Variants in SLC6A6 observed in about 807,000 individuals in gnomAD.
The protein encoded by SLC6A6 is solute carrier family 6 member 6.
In SLC6A6, 16 loss-of-function variants were observed where a neutral mutation model predicts 68.8. The ratio of observed to expected loss-of-function variants is 0.23; its 90% CI spans 0.16 to 0.35. SLC6A6 has a LOEUF of 0.35. Ranked by LOEUF, SLC6A6 falls within the 10% of genes least tolerant of loss-of-function variation. SLC6A6 has a pLI of 1.00. For synonymous variants in SLC6A6, 312 were observed against 315.4 expected, an observed-to-expected ratio of 0.99 and a Z score of 0.12; for missense variants, 474 against 802.8, an observed-to-expected ratio of 0.59 and a Z score of 4.95.
In SLC6A6 at chr3:14,454,173, A is replaced by G. The variant is rs527502013; in HGVS notation, c.600-3777A>G. On this transcript the variant is annotated intron_variant, in intron 5 of 14. Coordinates refer to ENST00000622186, the MANE Select transcript of SLC6A6 (RefSeq NM_003043.6). ...AGGAGGGATGTGGCCTGACATAGGT[A>G]TTGATAGATTCCCTCTGACTTGTTG... Among the ~76,000 whole-genome samples the G allele has an allele frequency of 6.6e-5, 10 of 152,268 alleles. No individual in the cohort carries two copies. In the East Asian group the frequency reaches 1.7e-3, roughly 26 times the overall value.
At chr3:14,443,033 A>G (rs1574936102) in intron 2 of SLC6A6, among the ~76,000 whole-genome samples, 2 of 152,204 alleles carry the variant, frequency 1.3e-5, no homozygotes, top group East Asian at 3.9e-4. Flanking sequence ...CCCATCTCAA[A>G]TATTGTTTCC....
rs138596982 is a variant in SLC6A6, at chr3:14,419,485, G to C, written c.-12+3032G>C. Among the ~76,000 whole-genome samples, 11 of 152,330 alleles carry C rather than the reference G, an allele frequency of 7.2e-5. No homozygotes were observed. In the East Asian group the frequency reaches 7.7e-4, roughly 11 times the overall value. On this transcript the variant is annotated intron_variant, in intron 2 of 14. Coordinates refer to ENST00000622186, the MANE Select transcript of SLC6A6 (RefSeq NM_003043.6). ...CAGCCCAAAAAAGTATTGCTGACAG[G>C]GGGCAACCCATGTAGTGGAGTCCAT...
chr3:14,447,870 G>A (rs1417302220), intron 5 of SLC6A6, 54 bp downstream of exon 5: 1 of 1,600,172 alleles, frequency 6.2e-7, no homozygotes, highest in Non-Finnish European at 8.5e-7. Context: ...CAGAGAGGAT[G>A]GCCCACTTCC....
intron 6 of SLC6A6, among the ~76,000 whole-genome samples, chr3:14,459,597 A>C (rs1348931445): frequency 1.3e-5 from 2 of 152,112 alleles, no homozygotes; most frequent in Non-Finnish European, 2.9e-5. Context: ...TCCTGCCCGG[A>C]ACAGGCGGGA....
chr3:14,472,172 C>A lies in SLC6A6; in HGVS notation c.1097-33C>A. ...TGGCTTGGTGGCTGATGTCTCCTCC[C>A]CTGTGCCCCTCCCCGTTTTCTTTCC... On this transcript the variant is annotated intron_variant, in intron 9 of 14. Coordinates refer to ENST00000622186, the MANE Select transcript of SLC6A6 (RefSeq NM_003043.6). This position sits in a 1 kb window ranked among gnomAD's most constrained non-coding sequence, Gnocchi z 4.5. The A allele has an allele frequency of 7.4e-7, 1 of 1,353,380 alleles. No homozygotes were observed. Among genetic ancestry groups the A allele is most frequent in the Non-Finnish European group, 1.1e-6 (1 of 942,412 alleles). 83.8% of individuals were successfully genotyped at this position (1,353,380 alleles called of 1,614,324 possible).
At chr3:14,471,477 C>A (rs1700750948) in intron 9 of SLC6A6, among the ~76,000 whole-genome samples, 1 of 152,190 alleles carries the variant, frequency 6.6e-6, no homozygotes, top group African/African-American at 2.4e-5. Flanking sequence ...CCTCACTTTT[C>A]AGGTGGGGAA....
At position 14,433,802 on chromosome 3, in the gene SLC6A6, C is replaced by CAA. The variant is rs67806643; in HGVS notation, c.-11-9797_-11-9796dup. ...TGGGCAACAGAGCTAGACTCTGTCT[C>CAA]AAAAAAAAAAAAAAAAAAAAAAAAA... is the stretch of plus-strand genomic sequence containing the variant. On this transcript the variant is annotated intron_variant, in intron 2 of 14. Transcript: ENST00000622186. 2.2e-3 allele frequency among the ~76,000 whole-genome samples: 169 copies of CAA among 77,458 alleles called. 3 individuals carry two copies. The highest frequency in any genetic ancestry group is 2.7e-3 in the South Asian group (5 of 1,836). The allele number at this position is 77,458 out of a possible 152,430, so 50.8% of individuals were successfully genotyped here. A position where few individuals can be genotyped will look rare whatever the true frequency, so the allele number is the denominator to read the frequency against.
Position 14,472,321 on chromosome 3 carries a change from C to T in SLC6A6, c.1209+4C>T, listed in dbSNP as rs370209276. The T allele has an allele frequency of 5.2e-5, 81 of 1,549,608 alleles. No individual in the cohort carries two copies. In the African/African-American group the frequency reaches 8.7e-4, roughly 17 times the overall value. On this transcript the variant is annotated splice_donor_region_variant and intron_variant, in intron 10 of 14. Transcript: ENST00000622186. This position sits in a 1 kb window ranked among gnomAD's most constrained non-coding sequence, Gnocchi z 4.5. Reference sequence around the variant, plus strand: ...CTTGCTTGGACTGGATAGCCAGGTGCGTATAAGGGATGGCCCTGGGGCGAC... The same window carrying T: ...CTTGCTTGGACTGGATAGCCAGGTGTGTATAAGGGATGGCCCTGGGGCGAC...
At chr3:14,439,864 G>A (rs150907431) in intron 2 of SLC6A6, among the ~76,000 whole-genome samples, 39 of 152,226 alleles carry the variant, frequency 2.6e-4, no homozygotes, top group Admixed American at 7.8e-4. Flanking sequence ...AGACTGAGCC[G>A]CAGAGGGACA....
chr3:14,416,233 G>GGCATGTGTGAGTAT (rs1425857499), intron 1 of SLC6A6, among the ~76,000 whole-genome samples, 179 bp from the exon 2 acceptor site: 7 of 152,134 alleles, frequency 4.6e-5, no homozygotes, highest in Non-Finnish European at 1.5e-5. Context: ...AGCTTGTGTT[G>GGCATGTGTGAGTAT]GCATGTGTGA....
rs999850114 is a variant in SLC6A6 at position 14,487,578 on chromosome 3, G to A, written c.*2571G>A. ...CACATAGCCCAGCCAGCCAGATCTG[G>A]AAAGGAAGCGAGGGGGTTGTTTAAA... On this transcript the variant is annotated 3_prime_UTR_variant, in exon 15 of 15. Transcript: ENST00000622186. The A allele has an allele frequency of 7.9e-5, 12 of 152,276 alleles. No homozygotes were observed. Among genetic ancestry groups the A allele is most frequent in the African/African-American group, 2.9e-4 (12 of 41,434 alleles). The allele number at this position is 152,276 out of a possible 1,614,324, so 9.4% of individuals were successfully genotyped here.
At chr3:14,428,268 C>T (rs1408312909) in intron 2 of SLC6A6, among the ~76,000 whole-genome samples, 2 of 152,218 alleles carry the variant, frequency 1.3e-5, no homozygotes, top group African/African-American at 2.4e-5. Context: ...ATCTCAGAAG[C>T]GGTTGGCCAG....
At chr3:14,432,588 G>T (rs1699750321) in intron 2 of SLC6A6, 1 of 152,422 alleles carries the variant, frequency 6.6e-6, no homozygotes, top group Admixed American at 6.5e-5. Context: ...GAGCAGAGCT[G>T]CAGGCAGTGT....
At chr3:14,403,614 C>T (rs1354222240) in intron 1 of SLC6A6, among the ~76,000 whole-genome samples, 3 of 152,202 alleles carry the variant, frequency 2.0e-5, no homozygotes, top group Non-Finnish European at 4.4e-5. Context: ...CAGGTGGCAG[C>T]GCCAGCGTCC....
At position 14,481,614 on chromosome 3, in the gene SLC6A6, G is replaced by A. The variant is rs1701008175; in HGVS notation, c.1552-57G>A. 1 of 1,222,932 alleles carries A rather than the reference G, an allele frequency of 8.2e-7. No individual in the cohort carries two copies. Among genetic ancestry groups the A allele is most frequent in the African/African-American group, 1.5e-5 (1 of 67,010 alleles). The allele number at this position is 1,222,932 out of a possible 1,614,324, so 75.8% of individuals were successfully genotyped here. On this transcript the variant is annotated intron_variant, in intron 13 of 14. Transcript: ENST00000622186. This position sits in a 1 kb window ranked among gnomAD's most constrained non-coding sequence, Gnocchi z 4.7. ...GTTGAGGCCAGTCCTAGTCCCAGAAGCCCCCCACCCCCCGATGCCCAGGAC... is the reference window on the plus strand; with the variant it reads ...GTTGAGGCCAGTCCTAGTCCCAGAAACCCCCCACCCCCCGATGCCCAGGAC...
chr3:14,447,411 C>T (rs1457370138), intron 4 of SLC6A6, among the ~76,000 whole-genome samples, 171 bp from the exon 5 acceptor site: 1 of 152,212 alleles, frequency 6.6e-6, no homozygotes, highest in Non-Finnish European at 1.5e-5. Context: ...TGTTGTTTCA[C>T]CTTTCCATTC....
chr3:14,463,760 C>T (rs1407692864), intron 6 of SLC6A6, among the ~76,000 whole-genome samples: 1 of 152,190 alleles, frequency 6.6e-6, no homozygotes, highest in African/African-American at 2.4e-5. Flanking sequence ...GGCTCCTGGC[C>T]TCAAGGAGAA....
At chr3:14,484,418 G>A (rs1352336686) in intron 14 of SLC6A6, among the ~76,000 whole-genome samples, 1 of 152,242 alleles carries the variant, frequency 6.6e-6, no homozygotes. Flanking sequence ...GGAGTTTGGA[G>A]TTTCTCCTTG....
At chr3:14,413,097 T>A (rs776272844) in intron 1 of SLC6A6, among the ~76,000 whole-genome samples, 5 of 152,202 alleles carry the variant, frequency 3.3e-5, no homozygotes, top group Non-Finnish European at 5.9e-5. Flanking sequence ...GCGGCCTGGG[T>A]CACTGTGTCC....
Sources: gnomAD v4.1 joint callset for allele counts (sites outside exome capture counted in the v4.1 genomes callset) on GRCh38, gnomAD v4.1.1 for gene constraint, Gnocchi (gnomAD v3.1) non-coding constraint, MANE v1.5 for transcripts, NCBI Gene and HGNC (gene_info 2026-07-23, HGNC 2026-07-21) for gene names.